TMEM161A: variants seen among roughly 807,000 people sequenced by gnomAD.
TMEM161A encodes transmembrane protein 161A.
In TMEM161A, 46 loss-of-function variants were observed where a neutral mutation model predicts 57.1. That is an observed-to-expected ratio of 0.81 (90% CI 0.64 to 1.03). The LOEUF (loss-of-function observed/expected upper bound fraction) is 1.03, where lower values mean the gene tolerates loss of function less well. TMEM161A is among the 50% of genes least tolerant of loss of function. The pLI, the probability that TMEM161A is intolerant of heterozygous loss-of-function variation, is 0.00. For missense variants in TMEM161A, 601 were observed against 621.5 expected (o/e 0.97, Z 0.35); for synonymous variants, 288 against 279.0 (o/e 1.03, Z -0.32).
At chr19:19,122,647 C>G (rs147462667) in intron 6 of TMEM161A, among the ~76,000 whole-genome samples, 2 of 151,514 alleles carry the variant, frequency 1.3e-5, no homozygotes, top group African/African-American at 2.4e-5. Flanking sequence ...TGGTGGTGCA[C>G]GCCTATAGTC....
At chr19:19,127,187 A>G (rs2059934620) in intron 6 of TMEM161A, among the ~76,000 whole-genome samples, 1 of 152,198 alleles carries the variant, frequency 6.6e-6, no homozygotes, top group Admixed American at 6.6e-5. Flanking sequence ...GGGGTCTCAA[A>G]GAGATACCTG....
At chr19:19,122,818 C>T (rs2146327537) in intron 6 of TMEM161A, among the ~76,000 whole-genome samples, 1 of 149,010 alleles carries the variant, frequency 6.7e-6, no homozygotes, top group Non-Finnish European at 1.5e-5. Flanking sequence ...GGCAAAATCA[C>T]CAAATGCATA....
intron 6 of TMEM161A, among the ~76,000 whole-genome samples, chr19:19,126,458 G>A (rs2059931828): frequency 6.6e-6 from 1 of 152,166 alleles, no homozygotes; most frequent in African/African-American, 2.4e-5. Flanking sequence ...GAGCACAGTG[G>A]TGCACACCTG....
chr19:19,124,007 T>C (rs529696883), intron 6 of TMEM161A, among the ~76,000 whole-genome samples: 7 of 151,948 alleles, frequency 4.6e-5, no homozygotes, highest in Admixed American at 2.0e-4. Flanking sequence ...TGAGCCGAGA[T>C]TGCGCCACTG....
At chr19:19,120,263 G>C in intron 11 of TMEM161A, 80 bp from the exon 12 acceptor site, 4 of 1,227,060 alleles carry the variant, frequency 3.3e-6, no homozygotes, top group Non-Finnish European at 4.4e-6. Flanking sequence ...GGGGGGCCAG[G>C]CCCATTCCTC....
Position 19,121,503 on chromosome 19 carries a change from C to A in TMEM161A, c.800+22G>T, listed in dbSNP as rs1488129292. 1.2e-6 allele frequency: 2 copies of A among 1,613,376 alleles called. No homozygotes were observed. Among genetic ancestry groups the A allele is most frequent in the South Asian group, 2.2e-5 (2 of 91,086 alleles). ...TCCCTTAAGCTCCCTAGTCCCCCCA[C>A]CCACCAAGCGACCCACTTAACTGCA... On this transcript the variant is annotated intron_variant, in intron 8 of 11. Coordinates refer to ENST00000162044, the MANE Select transcript of TMEM161A (RefSeq NM_017814.3). The surrounding 1 kb of genome is among the most constrained non-coding windows in gnomAD (Gnocchi z 5.8).
intron 1 of TMEM161A, 73 bp downstream of exon 1, chr19:19,138,353 C>T (rs1471552915): frequency 2.6e-5 from 40 of 1,562,844 alleles, no homozygotes; most frequent in Non-Finnish European, 3.5e-5. Flanking sequence ...TCCATTCCCT[C>T]AGTGTCTCCC....
chr19:19,130,493 C>T (rs2059953394), intron 5 of TMEM161A, 186 bp from the exon 6 acceptor site: 1 of 674,910 alleles, frequency 1.5e-6, no homozygotes, highest in South Asian at 1.9e-5. Flanking sequence ...TGGGGGTTCC[C>T]GTTGAGTGGG....
intron 1 of TMEM161A, among the ~76,000 whole-genome samples, chr19:19,135,431 C>A (rs1226578650): frequency 6.6e-6 from 1 of 152,196 alleles, no homozygotes; most frequent in East Asian, 1.9e-4. Context: ...CTGATGGTTC[C>A]ATCACCCTCC....
intron 6 of TMEM161A, among the ~76,000 whole-genome samples, chr19:19,128,452 G>A (rs1183679684): frequency 6.6e-6 from 1 of 151,262 alleles, no homozygotes; most frequent in East Asian, 1.9e-4. Context: ...GGATGGTCTT[G>A]ATCTCCTGAC....
intron 2 of TMEM161A, chr19:19,133,443 G>A: frequency 2.0e-6 from 1 of 502,012 alleles, no homozygotes; most frequent in East Asian, 3.3e-5. Context: ...AACTCTCCTG[G>A]GGAAGCCAGT....
intron 6 of TMEM161A, among the ~76,000 whole-genome samples, chr19:19,124,433 T>TTCCA (rs1347435709): frequency 3.9e-5 from 6 of 152,298 alleles, no homozygotes; most frequent in Admixed American, 1.3e-4. Flanking sequence ...TGTGATCACA[T>TTCCA]TCCAGGCCAT....
intron 1 of TMEM161A, 68 bp from the exon 2 acceptor site, chr19:19,134,955 C>G (rs2059978373): frequency 8.4e-7 from 1 of 1,194,748 alleles, no homozygotes; most frequent in East Asian, 2.6e-5. Flanking sequence ...CCCTAGGAAC[C>G]CAGGCTATTT....
chr19:19,130,601 CA>C (rs1299397673), intron 5 of TMEM161A: 2 of 415,308 alleles, frequency 4.8e-6, no homozygotes, highest in African/African-American at 4.0e-5. Context: ...CTTGGAAAAG[CA>C]ATCAGATATA....
intron 6 of TMEM161A, among the ~76,000 whole-genome samples, chr19:19,128,901 G>A (rs1485219936): frequency 6.6e-6 from 1 of 152,012 alleles, no homozygotes; most frequent in East Asian, 1.9e-4. Context: ...TGAATTTTAT[G>A]TTTTGTCTAT....
At chr19:19,124,893 T>A (rs2059924074) in intron 6 of TMEM161A, among the ~76,000 whole-genome samples, 1 of 152,016 alleles carries the variant, frequency 6.6e-6, no homozygotes, top group African/African-American at 2.4e-5. Flanking sequence ...AGGCAGAGGT[T>A]GTAGTGAGCT....
At position 19,119,677 on chromosome 19, in the gene TMEM161A, A is replaced by G; in HGVS notation, c.*253T>C. On this transcript the variant is annotated 3_prime_UTR_variant, in exon 12 of 12. Transcript: ENST00000162044. ...AAGAGCAGCCAGCATCACCCTTGCC[A>G]CTCAAACCTGGCACATACGCTTCGG... 3.7e-6 allele frequency: 2 copies of G among 544,944 alleles called. No homozygotes were observed. Among genetic ancestry groups the G allele is most frequent in the Non-Finnish European group, 6.6e-6 (2 of 303,696 alleles). 33.8% of individuals were successfully genotyped at this position (544,944 alleles called of 1,614,324 possible).
chr19:19,120,407 C>A (rs1306580716), intron 11 of TMEM161A, among the ~76,000 whole-genome samples: 2 of 151,660 alleles, frequency 1.3e-5, no homozygotes, highest in Non-Finnish European at 2.9e-5. Flanking sequence ...ACATGCCCTG[C>A]CCCCTCCCCA....
rs773948949 is a variant in TMEM161A, at chr19:19,121,063, G to A, written c.1018C>T (p.Leu340=). The A allele has an allele frequency of 6.2e-7, 1 of 1,612,088 alleles. No individual in the cohort carries two copies. Among genetic ancestry groups the A allele is most frequent in the Admixed American group, 1.7e-5 (1 of 59,990 alleles). The part of the protein sequence containing the change: ...TRPHLQAYLC[L]AKARVEQLRR... ...AGCTGCTCCACCCGGGCCTTGGCCA[G>A]GCACAGGTAGGCCTGCAGGTGGGGC... Residue 340 remains leucine (L), a synonymous_variant, in exon 10 of 12, where the codon CTG becomes TTG. Transcript: ENST00000162044. The surrounding 1 kb of genome is among the most constrained non-coding windows in gnomAD (Gnocchi z 5.8).
Sources: allele counts gnomAD v4.1 joint callset (sites outside exome capture counted in the v4.1 genomes callset), GRCh38; gene constraint gnomAD v4.1.1; non-coding constraint Gnocchi (gnomAD v3.1); transcripts MANE v1.5; gene names NCBI Gene and HGNC (gene_info 2026-07-23, HGNC 2026-07-21).